Variants in TMEM176B observed in about 807,000 individuals in gnomAD.
The protein encoded by TMEM176B is LR8-like protein.
TMEM176B carries 28 observed loss-of-function variants against 30.3 expected under a neutral mutation model. That is an observed-to-expected ratio of 0.92 (90% CI 0.68 to 1.27). The LOEUF is 1.27. Ranked by LOEUF, TMEM176B falls within the 50% of genes most tolerant of loss-of-function variation. The probability of loss-of-function intolerance (pLI) is 0.00; values close to 1 mark genes in which losing one functional copy is unlikely to be tolerated. For synonymous variants in TMEM176B, 123 were observed against 130.3 expected (o/e 0.94, Z 0.38); for missense variants, 349 against 327.4 (o/e 1.07, Z -0.51).
At chr7:150,799,405 A>C (rs928753976) in intron 1 of TMEM176B, among the ~76,000 whole-genome samples, 21 of 152,242 alleles carry the variant, frequency 1.4e-4, no homozygotes, top group African/African-American at 4.6e-4. Context: ...TTCTTTCAGA[A>C]TTGTCATGGC....
chr7:150,794,018 G>C lies in TMEM176B; in HGVS notation c.258C>G (p.Ser86Arg). ...CACTCAGCACAGTCCAGGGCCCCAA[G>C]CTGAGACACACTCCAAGAACACAAC... ...VVSCVLGVCL[S>R]LGPWTVLSAS... The change falls in exon 3 of 7, where the codon AGC (serine) becomes AGG (arginine). Residue 86 changes from serine (S) to arginine (R), a missense_variant. Coordinates refer to ENST00000326442, the MANE Select transcript of TMEM176B (RefSeq NM_001101312.2). 6.2e-7 allele frequency: 1 copy of C among 1,613,980 alleles called. No homozygotes were observed. The highest frequency in any genetic ancestry group is 8.5e-7 in the Non-Finnish European group (1 of 1,179,914).
chr7:150,798,200 A>G (rs1490852921), intron 1 of TMEM176B, among the ~76,000 whole-genome samples: 1 of 152,204 alleles, frequency 6.6e-6, no homozygotes, highest in Admixed American at 6.5e-5. Flanking sequence ...ACTGGCCATG[A>G]GCAACCACTG....
chr7:150,795,079 G>T (rs578116175), intron 2 of TMEM176B, among the ~76,000 whole-genome samples: 1 of 152,134 alleles, frequency 6.6e-6, no homozygotes, highest in Non-Finnish European at 1.5e-5. Flanking sequence ...ATGCCATGGA[G>T]GTCTGTGAAG....
Position 150,793,169 on chromosome 7 carries a change from G to A in TMEM176B, c.519C>T (p.Thr173=). The A allele has an allele frequency of 6.2e-7, 1 of 1,614,218 alleles. No homozygotes were observed. Among genetic ancestry groups the A allele is most frequent in the Non-Finnish European group, 8.5e-7 (1 of 1,180,042 alleles). The change falls in exon 5 of 7, where the codon ACC becomes ACT. Residue 173 remains threonine, a synonymous_variant. Coordinates refer to ENST00000326442, the MANE Select transcript of TMEM176B (RefSeq NM_001101312.2). The stretch of plus-strand genomic sequence containing the variant: ...TTCGCCGCATCCATCTGTACCCAGT[G>A]GTAGGGAAGACAGGGTCTGAGCGAT... ...VCDRSDPVFP[T]TGYRWMRRSQ...
In TMEM176B at chr7:150,791,460, G is replaced by T; in HGVS notation, c.*71C>A. The T allele has an allele frequency of 7.6e-7, 1 of 1,320,968 alleles. No individual in the cohort carries two copies. The highest frequency in any genetic ancestry group is 2.3e-5 in the East Asian group (1 of 43,170). 81.8% of individuals were successfully genotyped at this position (1,320,968 alleles called of 1,614,324 possible). A position where few individuals can be genotyped will look rare whatever the true frequency, so the allele number is the denominator to read the frequency against. On this transcript the variant is annotated 3_prime_UTR_variant, in exon 7 of 7. Transcript: ENST00000326442. The stretch of plus-strand genomic sequence containing the variant: ...GCGGCCATAGGGGAGGCAAGTGTGA[G>T]GAGCCAGGAGTGGGGGCCCTGGGCT...
At position 150,791,505 on chromosome 7, in the gene TMEM176B, G is replaced by A. The variant is rs770137295; in HGVS notation, c.*26C>T. 7.5e-6 allele frequency: 12 copies of A among 1,604,560 alleles called. No homozygotes were observed. The highest frequency in any genetic ancestry group is 3.3e-5 in the South Asian group (3 of 90,732). Reference sequence around the variant, plus strand: ...TGGGCTGCCCTAGACAGGGACATGCGGGCACCCCGTGGGGTCTTTGGCAGC... The same window carrying A: ...TGGGCTGCCCTAGACAGGGACATGCAGGCACCCCGTGGGGTCTTTGGCAGC... On this transcript the variant is annotated 3_prime_UTR_variant, in exon 7 of 7. Coordinates refer to ENST00000326442, the MANE Select transcript of TMEM176B (RefSeq NM_001101312.2).
rs1798364483 is a variant in TMEM176B at position 150,792,752 on chromosome 7, AAAT to A, written c.600+333_600+335del. Reference sequence around the variant, plus strand: ...TCCAGCCAACTCACAGCACCGTGAGAAATAATAAGTTGTCATTTTAAGCCACTA... The same window carrying A: ...TCCAGCCAACTCACAGCACCGTGAGAAATAAGTTGTCATTTTAAGCCACTA... On this transcript the variant is annotated intron_variant, in intron 5 of 6. Transcript: ENST00000326442. 2.6e-5 allele frequency among the ~76,000 whole-genome samples: 4 copies of A among 152,312 alleles called. No individual in the cohort carries two copies. In the South Asian group the frequency reaches 8.3e-4, roughly 32 times the overall value.
At chr7:150,796,790 C>T (rs1798546402) in intron 1 of TMEM176B, 1 of 534,150 alleles carries the variant, frequency 1.9e-6, no homozygotes, top group Non-Finnish European at 3.4e-6. Flanking sequence ...AAAACTCCCT[C>T]TCTACTAAAA....
chr7:150,796,749 A>T, intron 1 of TMEM176B, 175 bp from the exon 2 acceptor site: 1 of 635,900 alleles, frequency 1.6e-6, no homozygotes, highest in Non-Finnish European at 2.7e-6. Context: ...ACCTGAGGTC[A>T]GGAGTTCAAG....
intron 5 of TMEM176B, 64 bp downstream of exon 5, chr7:150,793,024 C>G: frequency 6.6e-7 from 1 of 1,510,378 alleles, no homozygotes; most frequent in Non-Finnish European, 9.2e-7. Context: ...TCCTCCAGGG[C>G]CCCCAGCTCC....
rs373110091 is a variant in TMEM176B at position 150,792,062 on chromosome 7, C to T, written c.714G>A (p.Gln238=). The change falls in exon 6 of 7, where the codon CAG becomes CAA. Residue 238 remains glutamine, a synonymous_variant. Transcript: ENST00000326442. ...CCCCTCCCCGACAACTCACCAGGGGCTGGGAGCTCTGGCCACACAAGTTTC... is the reference window on the plus strand; with the variant it reads ...CCCCTCCCCGACAACTCACCAGGGGTTGGGAGCTCTGGCCACACAAGTTTC... ...GLRNLCGQSS[Q]PLNEEGSEKR... The T allele has an allele frequency of 1.1e-4, 173 of 1,613,808 alleles. 1 individual carries two copies. In the South Asian group the frequency reaches 1.7e-3, roughly 16 times the overall value.
At chr7:150,791,916 G>T in intron 6 of TMEM176B, 140 bp downstream of exon 6, 1 of 1,279,520 alleles carries the variant, frequency 7.8e-7, no homozygotes, top group Non-Finnish European at 1.1e-6. Flanking sequence ...ACAGCAAAGG[G>T]GAGAGCTGCA....
At chr7:150,795,712 T>G (rs561156083) in intron 2 of TMEM176B, among the ~76,000 whole-genome samples, 1 of 152,322 alleles carries the variant, frequency 6.6e-6, no homozygotes, top group Admixed American at 6.5e-5. Flanking sequence ...GACCGACTCC[T>G]CTGTGCCAAA....
chr7:150,796,269 A>G, intron 2 of TMEM176B, 97 bp downstream of exon 2: 1 of 1,253,076 alleles, frequency 8.0e-7, no homozygotes, highest in Middle Eastern at 2.7e-4. Flanking sequence ...TCTCCTCCCA[A>G]ATAAAACGTT....
rs1311664908 is a variant in TMEM176B at position 150,793,309 on chromosome 7, T to C, written c.379A>G (p.Ile127Val). ...CCTGCCAGGGTGAGCAGGCTGGATA[T>C]ATAGCCCTGGAAGAGAAAGAGGGTC... ...EKHPGKLAGY[I>V]SSLLTLAGFA... Residue 127 changes from isoleucine to valine, a missense_variant, in exon 5 of 7, where the codon ATA becomes GTA. By Grantham distance (29) the Ile-to-Val change is conservative (BLOSUM62 3). Transcript: ENST00000326442. The C allele has an allele frequency of 1.9e-6, 3 of 1,613,742 alleles. No individual in the cohort carries two copies. In the African/African-American group the frequency reaches 4.0e-5, roughly 22 times the overall value.
In TMEM176B at chr7:150,793,203, G is replaced by A; in HGVS notation, c.485C>T (p.Thr162Ile). The change falls in exon 5 of 7, where the codon ACT becomes ATT. Residue 162 changes from threonine to isoleucine, a missense_variant. Coordinates refer to ENST00000326442, the MANE Select transcript of TMEM176B (RefSeq NM_001101312.2). Reference protein sequence around the residue: ...WQTEPFLYIDTVCDRSDPVFP... With the variant: ...WQTEPFLYIDIVCDRSDPVFP... ...GACAGGGTCTGAGCGATCACACACA[G>A]TGTCGATGTATAAAAAGGGTTCAGT... The A allele has an allele frequency of 6.2e-7, 1 of 1,614,208 alleles. No homozygotes were observed. Among genetic ancestry groups the A allele is most frequent in the Non-Finnish European group, 8.5e-7 (1 of 1,180,040 alleles).
At chr7:150,800,853 G>A (rs1798755153), upstream of TMEM176B, 6 of 942,766 alleles carry the variant, frequency 6.4e-6, no homozygotes, top group Non-Finnish European at 7.6e-6. Context: ...CACTCCCGGC[G>A]GCCCCCGGGC....
Position 150,792,131 on chromosome 7 carries a change from G to A in TMEM176B, c.645C>T (p.Val215=), listed in dbSNP as rs1332904737. The A allele has an allele frequency of 6.2e-7, 1 of 1,613,876 alleles. No individual in the cohort carries two copies. Among genetic ancestry groups the A allele is most frequent in the African/African-American group, 1.3e-5 (1 of 74,898 alleles). ...AIRALFLAVC[V]LKVIVSLVSL... ...AAACCAAGGACACAATGACCTTCAA[G>A]ACACAGACAGCCAGGAACAGGGCAC... The change falls in exon 6 of 7, where the codon GTC becomes GTT. Residue 215 remains valine, a synonymous_variant. Coordinates refer to ENST00000326442, the MANE Select transcript of TMEM176B (RefSeq NM_001101312.2).
At chr7:150,800,993 C>G, upstream of TMEM176B, 1 of 985,866 alleles carries the variant, frequency 1.0e-6, no homozygotes, top group African/African-American at 1.7e-5. Flanking sequence ...TTTGACCTAC[C>G]TCCGCACCGC....
Sources: gnomAD v4.1 joint callset for allele counts (sites outside exome capture counted in the v4.1 genomes callset) on GRCh38, gnomAD v4.1.1 for gene constraint, MANE v1.5 for transcripts, NCBI Gene and HGNC (gene_info 2026-07-23, HGNC 2026-07-21) for gene names.